CRIM1: variants seen among roughly 807,000 people sequenced by gnomAD.
CRIM1 encodes the protein cysteine rich transmembrane BMP regulator 1, also known as cysteine-rich motor neuron 1 protein.
A neutral mutation model predicts 116.4 loss-of-function variants in CRIM1; 32 were observed. That is an observed-to-expected ratio of 0.27 (90% CI 0.21 to 0.37). The LOEUF (loss-of-function observed/expected upper bound fraction) is 0.37. Ranked by LOEUF, CRIM1 falls within the 10% of genes least tolerant of loss-of-function variation. The probability of loss-of-function intolerance (pLI) is 1.00; values close to 1 mark genes in which losing one functional copy is unlikely to be tolerated. For missense variants in CRIM1, 1,331 were observed against 1,354.8 expected (o/e 0.98, Z 0.28); for synonymous variants, 590 against 509.2 (o/e 1.16, Z -2.13).
intron 1 of CRIM1, among the ~76,000 whole-genome samples, chr2:36,372,219 A>G (rs539721464): frequency 1.3e-5 from 2 of 152,314 alleles, no homozygotes; most frequent in South Asian, 2.1e-4. Context: ...CAATGGTTCG[A>G]GCAGGAATTC....
chr2:36,498,565 G>T (rs963405894), intron 7 of CRIM1, among the ~76,000 whole-genome samples: 15 of 152,142 alleles, frequency 9.9e-5, no homozygotes, highest in African/African-American at 3.6e-4. Flanking sequence ...GTCTTGCTTT[G>T]TTTAGTGCCC....
At chr2:36,381,893 G>T (rs1309383329) in intron 1 of CRIM1, among the ~76,000 whole-genome samples, 2 of 152,244 alleles carry the variant, frequency 1.3e-5, no homozygotes, top group Non-Finnish European at 2.9e-5. Flanking sequence ...GGTCACTGGG[G>T]TTAGTGAAAG....
At chr2:36,415,981 G>T (rs182159355) in intron 2 of CRIM1, among the ~76,000 whole-genome samples, 1 of 152,194 alleles carries the variant, frequency 6.6e-6, no homozygotes, top group South Asian at 2.1e-4. Flanking sequence ...GCCAAGGCAC[G>T]CGGATCACTT....
intron 7 of CRIM1, among the ~76,000 whole-genome samples, chr2:36,497,172 A>T (rs1043848390): frequency 1.3e-5 from 2 of 152,196 alleles, no homozygotes; most frequent in African/African-American, 4.8e-5. Flanking sequence ...AGATTTTGGT[A>T]TGTGTAGATA....
chr2:36,396,593 T>G (rs751121375), intron 1 of CRIM1, 21 bp from the exon 2 acceptor site: 8 of 1,526,164 alleles, frequency 5.2e-6, no homozygotes, highest in Middle Eastern at 3.5e-4. Flanking sequence ...ACACATTATC[T>G]GGTTGTTAAT....
Position 36,406,632 on chromosome 2 carries a change from C to A in CRIM1, c.505+9845C>A, listed in dbSNP as rs80004045. On this transcript the variant is annotated intron_variant, in intron 2 of 16. Transcript: ENST00000280527. ...CTAATATTTGACCCCTCCCCCCCCC[C>A]CAAAAAAAAACAAAAAAAGATAACC... 5.0e-3 allele frequency among the ~76,000 whole-genome samples: 400 copies of A among 80,028 alleles called. 4 individuals carry two copies. Among genetic ancestry groups the A allele is most frequent in the East Asian group, 0.018 (29 of 1,582 alleles). The allele number at this position is 80,028 out of a possible 152,430, so 52.5% of individuals were successfully genotyped here. A position where few individuals can be genotyped will look rare whatever the true frequency, so the allele number is the denominator to read the frequency against.
chr2:36,439,851 C>G (rs187765763), intron 2 of CRIM1, among the ~76,000 whole-genome samples: 5 of 152,296 alleles, frequency 3.3e-5, no homozygotes, highest in Admixed American at 2.6e-4. Context: ...TACTTATGTT[C>G]TGTCATCCTC....
intron 1 of CRIM1, among the ~76,000 whole-genome samples, chr2:36,387,411 T>A (rs574441507): frequency 6.6e-6 from 1 of 152,356 alleles, no homozygotes; most frequent in South Asian, 2.1e-4. Flanking sequence ...TGCAGTTACA[T>A]TTTTTACTGG....
At chr2:36,499,618 C>A (rs1680847247) in intron 8 of CRIM1, among the ~76,000 whole-genome samples, 1 of 152,102 alleles carries the variant, frequency 6.6e-6, no homozygotes, top group South Asian at 2.1e-4. Flanking sequence ...TCCTTCCAGC[C>A]ACCCAGAACG....
chr2:36,435,581 C>T (rs1675246761), intron 2 of CRIM1, among the ~76,000 whole-genome samples: 3 of 151,308 alleles, frequency 2.0e-5, no homozygotes, highest in South Asian at 2.1e-4. Flanking sequence ...ATTTGCTTCT[C>T]GTAGATCATG....
intron 12 of CRIM1, among the ~76,000 whole-genome samples, chr2:36,521,824 A>G (rs1019157302): frequency 6.6e-6 from 1 of 152,260 alleles, no homozygotes; most frequent in Admixed American, 6.5e-5. Flanking sequence ...GGACTTCCCC[A>G]AAGAAAACCA....
At chr2:36,480,771 C>G (rs1227204306) in intron 7 of CRIM1, among the ~76,000 whole-genome samples, 5 of 152,154 alleles carry the variant, frequency 3.3e-5, no homozygotes, top group African/African-American at 9.7e-5. Context: ...CATTACTGTA[C>G]TCAGAGTGCA....
chr2:36,413,665 A>G (rs749945428), intron 2 of CRIM1, among the ~76,000 whole-genome samples: 1 of 152,226 alleles, frequency 6.6e-6, no homozygotes, highest in African/African-American at 2.4e-5. Context: ...CTAAAAATGC[A>G]GTCAGCGATC....
chr2:36,495,459 CTTTATTTA>C (rs1194946014), intron 7 of CRIM1, among the ~76,000 whole-genome samples: 1 of 140,972 alleles, frequency 7.1e-6, no homozygotes, highest in Non-Finnish European at 1.5e-5. Context: ...CCTCAAGCCT[CTTTATTTA>C]TTTATTTATT....
At chr2:36,511,087 A>G (rs186907744) in intron 9 of CRIM1, among the ~76,000 whole-genome samples, 131 of 152,128 alleles carry the variant, frequency 8.6e-4, no homozygotes, top group Middle Eastern at 6.8e-3. Context: ...GACTAGAGGC[A>G]TGCGCCACCA....
chr2:36,386,059 T>G (rs1671142103), intron 1 of CRIM1, among the ~76,000 whole-genome samples: 2 of 152,230 alleles, frequency 1.3e-5, no homozygotes, highest in Non-Finnish European at 2.9e-5. Flanking sequence ...TTCTTTTCAC[T>G]CTAGTGGTTC....
intron 11 of CRIM1, 119 bp downstream of exon 11, chr2:36,513,884 C>T: frequency 2.4e-6 from 2 of 827,254 alleles, no homozygotes; most frequent in Non-Finnish European, 1.9e-6. Flanking sequence ...CACTTTTCAG[C>T]ACTGTGTGGT....
chr2:36,406,806 G>T (rs1206344702), intron 2 of CRIM1, among the ~76,000 whole-genome samples: 3 of 152,154 alleles, frequency 2.0e-5, no homozygotes, highest in Non-Finnish European at 4.4e-5. Flanking sequence ...ATAGATTCTA[G>T]TTTTCTTAGG....
At chr2:36,544,118 T>G (rs1667146392) in intron 14 of CRIM1, among the ~76,000 whole-genome samples, 1 of 152,230 alleles carries the variant, frequency 6.6e-6, no homozygotes, top group Non-Finnish European at 1.5e-5. Flanking sequence ...CAACACCATT[T>G]GACGTGAAAA....
Sources: gnomAD v4.1 joint callset for allele counts (sites outside exome capture counted in the v4.1 genomes callset) on GRCh38, gnomAD v4.1.1 for gene constraint, MANE v1.5 for transcripts, NCBI Gene and HGNC (gene_info 2026-07-23, HGNC 2026-07-21) for gene names.